Variants in FBXL18 observed in about 807,000 individuals in gnomAD.
FBXL18 encodes the protein F-box/LRR-repeat protein 18.
A neutral mutation model predicts 46.0 loss-of-function variants in FBXL18; 36 were observed. The ratio of observed to expected loss-of-function variants is 0.78; its 90% CI spans 0.60 to 1.03. The LOEUF (loss-of-function observed/expected upper bound fraction) is 1.03. Ranked by LOEUF, FBXL18 falls within the 50% of genes least tolerant of loss-of-function variation. FBXL18 has a pLI of 0.00. For missense variants in FBXL18, 977 were observed against 1,004.1 expected (o/e 0.97, Z 0.36); for synonymous variants, 557 against 465.3 (o/e 1.20, Z -2.54).
rs1237406087 is a variant in FBXL18 at position 5,501,022 on chromosome 7, C to T, written c.1247G>A (p.Arg416His). 20 of 1,599,894 alleles carry T rather than the reference C, an allele frequency of 1.3e-5. No homozygotes were observed. The highest frequency in any genetic ancestry group is 4.0e-5 in the African/African-American group (3 of 74,776). ...CQLLARLRHLRSLSLPVCSVA... is the reference protein window; with the variant it reads ...CQLLARLRHLHSLSLPVCSVA... ...AGAGCAGACAGGCAGGGAGAGGGAG[C>T]GCAGGTGACGCAGCCGGGCCAGGAG... Residue 416 changes from arginine (R) to histidine (H), a missense_variant, in exon 3 of 5, where the codon CGC becomes CAC. Transcript: ENST00000382368.
chr7:5,462,131 G>A (rs1022303600), intron 4 of FBXL18, among the ~76,000 whole-genome samples: 1 of 151,898 alleles, frequency 6.6e-6, no homozygotes, highest in East Asian at 1.9e-4. Context: ...AGGAGGCTGA[G>A]GCAGGAGAAT....
At position 5,490,642 on chromosome 7, in the gene FBXL18, C is replaced by T. The variant is rs144918294; in HGVS notation, c.2000+589G>A. Among the ~76,000 whole-genome samples the T allele has an allele frequency of 2.8e-3, 423 of 152,282 alleles. 5 individuals are homozygous for T. The highest frequency in any genetic ancestry group is 9.8e-3 in the African/African-American group (406 of 41,554). Reference sequence around the variant, plus strand: ...AAGCACTGCTTCTAGATCCAAACAACGGGCAGAGATGTGAAAAATCCAGAG... The same window carrying T: ...AAGCACTGCTTCTAGATCCAAACAATGGGCAGAGATGTGAAAAATCCAGAG... On this transcript the variant is annotated intron_variant, in intron 4 of 4. Coordinates refer to ENST00000382368, the MANE Select transcript of FBXL18 (RefSeq NM_024963.6).
intron 4 of FBXL18, 138 bp from the exon 5 acceptor site, chr7:5,482,069 C>T: frequency 1.0e-6 from 1 of 1,002,384 alleles, no homozygotes; most frequent in South Asian, 1.7e-5. Flanking sequence ...ACCATGCCTG[C>T]CAGAGTCACC....
chr7:5,511,174 C>T (rs2966432), intron 1 of FBXL18, among the ~76,000 whole-genome samples: 12,277 of 152,192 alleles, frequency 0.081, 552 homozygotes, highest in Admixed American at 0.1. Flanking sequence ...TGGTGGCTCA[C>T]GCCTGTAATC....
intron 1 of FBXL18, among the ~76,000 whole-genome samples, chr7:5,506,547 G>A (rs968056840): frequency 7.1e-6 from 1 of 141,142 alleles, no homozygotes; most frequent in Admixed American, 7.3e-5. Context: ...GAGCCACCAT[G>A]CCCGGCTTTT....
At position 5,505,596 on chromosome 7, in the gene FBXL18, G is replaced by T. The variant is rs764071536; in HGVS notation, c.53C>A (p.Ala18Glu). 1 of 1,614,028 alleles carries T rather than the reference G, an allele frequency of 6.2e-7. No homozygotes were observed. Among genetic ancestry groups the T allele is most frequent in the South Asian group, 1.1e-5 (1 of 91,088 alleles). The change falls in exon 2 of 5, where the codon GCA (alanine) becomes GAA (glutamate). Residue 18 changes from alanine to glutamate, a missense_variant. Coordinates refer to ENST00000382368, the MANE Select transcript of FBXL18 (RefSeq NM_024963.6). ...GACCCCGTCTGCCATCCCGGCTGCTGCAGGGTGCATGTCATCATCATCATT... is the reference window on the plus strand; with the variant it reads ...GACCCCGTCTGCCATCCCGGCTGCTTCAGGGTGCATGTCATCATCATCATT... ...ISNDDDDMHP[A>E]AAGMADGVHL...
intron 1 of FBXL18, among the ~76,000 whole-genome samples, chr7:5,511,640 C>T (rs10253945): frequency 0.33 from 49,614 of 149,788 alleles, 8,573 homozygotes; most frequent in Admixed American, 0.39. Flanking sequence ...TGGTGGTGGG[C>T]GCCTGTAGTC....
chr7:5,472,669 G>T (rs1783446074), downstream of FBXL18, among the ~76,000 whole-genome samples: 1 of 152,196 alleles, frequency 6.6e-6, no homozygotes, highest in Non-Finnish European at 1.5e-5. Context: ...GTCAACACCA[G>T]CATTGACCAC....
At chr7:5,491,073 C>T (rs1366708272) in intron 4 of FBXL18, among the ~76,000 whole-genome samples, 158 bp downstream of exon 4, 1 of 152,200 alleles carries the variant, frequency 6.6e-6, no homozygotes, top group Non-Finnish European at 1.5e-5. Flanking sequence ...GAGGCTGGGC[C>T]GTGGGAGACC....
intron 4 of FBXL18, among the ~76,000 whole-genome samples, chr7:5,461,608 A>T (rs763690568): frequency 4.0e-5 from 6 of 151,764 alleles, no homozygotes; most frequent in Non-Finnish European, 8.8e-5. Flanking sequence ...GTGCCACTAC[A>T]CTCTGGCCTG....
chr7:5,506,666 C>G (rs549204628), intron 1 of FBXL18, among the ~76,000 whole-genome samples: 1 of 151,012 alleles, frequency 6.6e-6, no homozygotes, highest in East Asian at 1.9e-4. Context: ...AGGAGATTTT[C>G]GTGCCTCAGC....
chr7:5,468,244 A>G (rs1364750765), intron 4 of FBXL18, among the ~76,000 whole-genome samples: 2 of 151,934 alleles, frequency 1.3e-5, no homozygotes, highest in Non-Finnish European at 2.9e-5. Context: ...CGGCCTCCCA[A>G]AGTGCTGGGA....
intron 4 of FBXL18, among the ~76,000 whole-genome samples, chr7:5,466,766 A>C (rs1224506949): frequency 6.6e-6 from 1 of 152,156 alleles, no homozygotes; most frequent in African/African-American, 2.4e-5. Flanking sequence ...GGCAGGAGGC[A>C]GGAGGGAGGC....
At chr7:5,472,531 A>G (rs1455868292), downstream of FBXL18, among the ~76,000 whole-genome samples, 4 of 151,930 alleles carry the variant, frequency 2.6e-5, no homozygotes, top group Non-Finnish European at 5.9e-5. Flanking sequence ...CACTTAGACC[A>G]CATGGAGAGA....
At chr7:5,482,246 G>A (rs1363884892) in intron 4 of FBXL18, among the ~76,000 whole-genome samples, 1 of 152,180 alleles carries the variant, frequency 6.6e-6, no homozygotes. Context: ...ACGTGCTGCT[G>A]GGCCCCAGGG....
chr7:5,474,568 G>A (rs1361615905), downstream of FBXL18, among the ~76,000 whole-genome samples: 3 of 151,982 alleles, frequency 2.0e-5, no homozygotes, highest in Non-Finnish European at 4.4e-5. Context: ...TTTCTGCCTC[G>A]ATCTCCCAAA....
intron 4 of FBXL18, among the ~76,000 whole-genome samples, chr7:5,467,546 C>CAA (rs1257961042): frequency 8.4e-6 from 1 of 119,270 alleles, no homozygotes; most frequent in Non-Finnish European, 1.8e-5. Flanking sequence ...ACTCCGTCTC[C>CAA]AAAAAAAAAA....
downstream of FBXL18, among the ~76,000 whole-genome samples, chr7:5,475,167 T>C (rs2128232564): frequency 6.6e-6 from 1 of 151,376 alleles, no homozygotes; most frequent in South Asian, 2.1e-4. The surrounding 1 kb of genome is among the most constrained non-coding windows in gnomAD (Gnocchi z 4.2). Flanking sequence ...GAAAATATTT[T>C]AAAAATTAGC....
At position 5,480,616 on chromosome 7, in the gene FBXL18, T is replaced by C. The variant is rs758349447; in HGVS notation, c.*1159A>G. ...TCTCACCCTGTTGTCCAGGCTGGAGTGCAATGGTGTGATCTCGGCTCACTG... is the reference window on the plus strand; with the variant it reads ...TCTCACCCTGTTGTCCAGGCTGGAGCGCAATGGTGTGATCTCGGCTCACTG... On this transcript the variant is annotated 3_prime_UTR_variant, in exon 5 of 5. Transcript: ENST00000382368. 2.9e-5 allele frequency: 4 copies of C among 136,658 alleles called. No homozygotes were observed. Among genetic ancestry groups the C allele is most frequent in the Non-Finnish European group, 6.1e-5 (4 of 65,948 alleles). The allele number at this position is 136,658 out of a possible 1,614,324, so 8.5% of individuals were successfully genotyped here.
Sources: allele counts gnomAD v4.1 joint callset (sites outside exome capture counted in the v4.1 genomes callset), GRCh38; gene constraint gnomAD v4.1.1; non-coding constraint Gnocchi (gnomAD v3.1); transcripts MANE v1.5; gene names NCBI Gene and HGNC (gene_info 2026-07-23, HGNC 2026-07-21).